ARV1: variants seen among roughly 807,000 people sequenced by gnomAD.
The protein encoded by ARV1 is ARV1 fatty acid homeostasis modulator.
ARV1 carries 26 observed loss-of-function variants against 31.1 expected under a neutral mutation model. The ratio of observed to expected loss-of-function variants is 0.84; its 90% CI spans 0.61 to 1.16. The LOEUF is 1.16. ARV1 is among the 50% of genes most tolerant of loss of function. The pLI, the probability that ARV1 is intolerant of heterozygous loss-of-function variation, is 0.00. For synonymous variants in ARV1, 117 were observed against 123.2 expected (o/e 0.95, Z 0.34); for missense variants, 281 against 324.9 (o/e 0.86, Z 1.04).
intron 1 of ARV1, among the ~76,000 whole-genome samples, chr1:230,985,914 A>C (rs1401889315): frequency 7.1e-6 from 1 of 140,046 alleles, no homozygotes; most frequent in Non-Finnish European, 1.5e-5. Flanking sequence ...CAGTTTGATT[A>C]AGCAGAATTT....
chr1:230,984,348 G>C (rs1401230279), intron 1 of ARV1, among the ~76,000 whole-genome samples: 1 of 68,942 alleles, frequency 1.5e-5, no homozygotes, highest in Non-Finnish European at 3.0e-5. Context: ...TGTTTCGTGT[G>C]TGTGTGTGTG....
chr1:230,994,534 A>G (rs1679310008), intron 3 of ARV1, among the ~76,000 whole-genome samples: 1 of 145,574 alleles, frequency 6.9e-6, no homozygotes, highest in Non-Finnish European at 1.5e-5. Flanking sequence ...GAGGTTAACC[A>G]TCCTAATTTT....
intron 2 of ARV1, among the ~76,000 whole-genome samples, chr1:230,988,872 A>AACATTCAGTTTAATC (rs1399806472): frequency 1.3e-5 from 2 of 152,362 alleles, no homozygotes; most frequent in East Asian, 3.9e-4. Context: ...TAAGGTAAAT[A>AACATTCAGTTTAATC]ACATTCAGTT....
intron 1 of ARV1, 193 bp downstream of exon 1, chr1:230,979,472 TG>T (rs1479222154): frequency 5.9e-5 from 37 of 624,018 alleles, no homozygotes. Flanking sequence ...GGGGCATATT[TG>T]GGTGATATGA....
intron 2 of ARV1, 104 bp downstream of exon 2, chr1:230,988,543 AAG>A (rs1679144043): frequency 8.7e-6 from 9 of 1,031,098 alleles, no homozygotes; most frequent in Non-Finnish European, 1.2e-5. Context: ...AAAAGAGGAA[AAG>A]AAATTCTAAT....
At chr1:230,980,324 CG>C (rs1312903861) in intron 1 of ARV1, among the ~76,000 whole-genome samples, 6 of 133,076 alleles carry the variant, frequency 4.5e-5, no homozygotes, top group African/African-American at 1.6e-4. Context: ...AATCTTATTT[CG>C]GTTTTTTTTT....
At chr1:230,981,379 C>T (rs112113794) in intron 1 of ARV1, among the ~76,000 whole-genome samples, 4 of 152,276 alleles carry the variant, frequency 2.6e-5, no homozygotes, top group African/African-American at 9.6e-5. Context: ...TCAAATATAC[C>T]CATCACAGTT....
At chr1:230,991,970 C>T (rs77819920) in intron 3 of ARV1, among the ~76,000 whole-genome samples, 1,686 of 152,302 alleles carry the variant, frequency 0.011, 65 homozygotes, top group Admixed American at 0.07. Context: ...ATTCCCTCCA[C>T]GGCTGCCACA....
chr1:230,981,292 T>C (rs1334355795), intron 1 of ARV1, among the ~76,000 whole-genome samples: 1 of 152,238 alleles, frequency 6.6e-6, no homozygotes, highest in East Asian at 1.9e-4. Context: ...ATTTCTACCC[T>C]GAACCTCTTC....
intron 4 of ARV1, 75 bp from the exon 5 acceptor site, chr1:230,997,046 T>A (rs1679389496): frequency 1.3e-6 from 2 of 1,539,404 alleles, no homozygotes; most frequent in Admixed American, 1.9e-5. Context: ...ACAAAACAAT[T>A]CATACTACCC....
At chr1:230,981,464 C>T (rs961515558) in intron 1 of ARV1, among the ~76,000 whole-genome samples, 2 of 152,188 alleles carry the variant, frequency 1.3e-5, no homozygotes, top group Admixed American at 6.5e-5. Context: ...CTTCCTCTCA[C>T]ATCCCATATT....
intron 3 of ARV1, among the ~76,000 whole-genome samples, chr1:230,991,446 C>A (rs1211210701): frequency 6.6e-6 from 1 of 152,114 alleles, no homozygotes; most frequent in Non-Finnish European, 1.5e-5. Context: ...AATAAATCAC[C>A]ATACCCATAA....
chr1:230,983,562 C>A (rs560072213), intron 1 of ARV1, among the ~76,000 whole-genome samples: 2 of 151,940 alleles, frequency 1.3e-5, no homozygotes, highest in African/African-American at 4.8e-5. Flanking sequence ...CTACAGCATT[C>A]GGCTCCCACC....
chr1:230,979,941 T>C (rs1004686588), intron 1 of ARV1, among the ~76,000 whole-genome samples: 3 of 152,070 alleles, frequency 2.0e-5, no homozygotes, highest in South Asian at 2.1e-4. Context: ...TTAAAGAGTC[T>C]ACAAAGTTGG....
intron 3 of ARV1, among the ~76,000 whole-genome samples, chr1:230,994,666 C>T (rs571579032): frequency 6.6e-6 from 1 of 152,148 alleles, no homozygotes; most frequent in South Asian, 2.1e-4. Context: ...GTCAGCCTCC[C>T]GAGTAGCTGG....
intron 3 of ARV1, among the ~76,000 whole-genome samples, chr1:230,993,590 T>C (rs1004205475): frequency 2.6e-5 from 4 of 152,202 alleles, no homozygotes; most frequent in Non-Finnish European, 1.5e-5. Flanking sequence ...CTAATTAGAC[T>C]GTATAGTCCA....
chr1:230,995,142 T>G (rs1267131680), intron 3 of ARV1, among the ~76,000 whole-genome samples: 1 of 152,220 alleles, frequency 6.6e-6, no homozygotes, highest in Non-Finnish European at 1.5e-5. Context: ...CTGAACAGAT[T>G]GTGCTGTGTT....
At chr1:230,990,858 AC>A (rs1346996674) in intron 3 of ARV1, among the ~76,000 whole-genome samples, 5 of 152,216 alleles carry the variant, frequency 3.3e-5, no homozygotes, top group African/African-American at 1.2e-4. Flanking sequence ...GGTGTGAGCC[AC>A]TGTGCCTGGC....
intron 3 of ARV1, chr1:230,990,742 AT>A (rs1159593029): frequency 2.5e-5 from 5 of 200,756 alleles, no homozygotes; most frequent in South Asian, 6.1e-5. Context: ...TAATTTTTGT[AT>A]TTTTTTGTTG....
Sources: gnomAD v4.1 joint callset for allele counts (sites outside exome capture counted in the v4.1 genomes callset) on GRCh38, gnomAD v4.1.1 for gene constraint, MANE v1.5 for transcripts, NCBI Gene and HGNC (gene_info 2026-07-23, HGNC 2026-07-21) for gene names.